Variants in SORBS2 observed in about 807,000 individuals in gnomAD.
The protein encoded by SORBS2 is sorbin and SH3 domain-containing protein 2.
SORBS2 carries 46 observed loss-of-function variants against 97.7 expected under a neutral mutation model. The observed-to-expected ratio is 0.47, with a 90% CI of 0.37 to 0.60. The LOEUF is 0.60. SORBS2 is among the 20% of genes least tolerant of loss of function. The pLI is 0.00. For synonymous variants in SORBS2, 476 were observed against 473.4 expected (o/e 1.01, Z -0.07); for missense variants, 1,316 against 1,282.3 (o/e 1.03, Z -0.40).
chr4:185,603,300 C>A (rs925019222), intron 12 of SORBS2, among the ~76,000 whole-genome samples: 1 of 151,670 alleles, frequency 6.6e-6, no homozygotes, highest in Non-Finnish European at 1.5e-5. Flanking sequence ...AAACCACAGA[C>A]AGAAGAGAAA....
chr4:185,767,854 C>A (rs2098945705), intron 2 of SORBS2, among the ~76,000 whole-genome samples: 2 of 152,200 alleles, frequency 1.3e-5, no homozygotes, highest in African/African-American at 4.8e-5. Flanking sequence ...GATGGTGAGA[C>A]TTTTGTTCTC....
chr4:185,939,466 T>C lies in SORBS2; in HGVS notation c.-338+16730A>G, dbSNP rs149944126. On this transcript the variant is annotated intron_variant, in intron 1 of 20. Transcript: ENST00000284776. ...CTGCTGCTCTATTTCTCCCTTCTCCTTCCCAGGAACAGTTCTCCAAAGAGG... is the reference window on the plus strand; with the variant it reads ...CTGCTGCTCTATTTCTCCCTTCTCCCTCCCAGGAACAGTTCTCCAAAGAGG... 5.5e-3 allele frequency among the ~76,000 whole-genome samples: 836 copies of C among 152,282 alleles called. 3 individuals are homozygous for C. Among genetic ancestry groups the C allele is most frequent in the Middle Eastern group, 0.027 (8 of 294 alleles).
chr4:185,616,318 T>G (rs13120638), intron 9 of SORBS2, among the ~76,000 whole-genome samples: 12,194 of 152,256 alleles, frequency 0.08, 543 homozygotes, highest in African/African-American at 0.11. Context: ...TGATCACACA[T>G]TTAGAAGTGC....
intron 12 of SORBS2, among the ~76,000 whole-genome samples, chr4:185,611,457 A>G (rs1033438591): frequency 1.3e-5 from 2 of 151,994 alleles, no homozygotes; most frequent in Admixed American, 6.6e-5. Flanking sequence ...GGAAAAAATT[A>G]TTTCAGAAAA....
intron 2 of SORBS2, among the ~76,000 whole-genome samples, chr4:185,682,614 C>A (rs1218749229): frequency 1.3e-5 from 2 of 152,136 alleles, no homozygotes; most frequent in Non-Finnish European, 2.9e-5. Context: ...CCTTTTGATT[C>A]ACATATAGAC....
intron 12 of SORBS2, among the ~76,000 whole-genome samples, chr4:185,597,733 C>T (rs2096144324): frequency 6.6e-6 from 1 of 152,112 alleles, no homozygotes; most frequent in South Asian, 2.1e-4. Context: ...ACTCAAATGG[C>T]AAGTCGCTTA....
chr4:185,638,273 A>C, intron 4 of SORBS2, 111 bp from the exon 15 acceptor site: 1 of 728,652 alleles, frequency 1.4e-6, no homozygotes, highest in Non-Finnish European at 2.5e-6. Context: ...ACATGCATCA[A>C]CTCTCACCCC....
intron 1 of SORBS2, among the ~76,000 whole-genome samples, chr4:185,812,586 C>G (rs1272353056): frequency 6.6e-6 from 1 of 152,158 alleles, no homozygotes; most frequent in Non-Finnish European, 1.5e-5. Flanking sequence ...AAAACAAGCC[C>G]CACCTTCCAG....
intron 2 of SORBS2, among the ~76,000 whole-genome samples, chr4:185,717,150 G>A (rs1043151351): frequency 1.3e-5 from 2 of 152,332 alleles, no homozygotes; most frequent in African/African-American, 4.8e-5. Context: ...GAGCGCCGCT[G>A]TCTTCAAACC....
intron 1 of SORBS2, among the ~76,000 whole-genome samples, chr4:185,802,509 A>C (rs1475020648): frequency 3.3e-5 from 5 of 152,190 alleles, no homozygotes; most frequent in African/African-American, 7.2e-5. Context: ...GTTCCCTATC[A>C]AGGCCATCTT....
intron 1 of SORBS2, among the ~76,000 whole-genome samples, chr4:185,866,505 C>G (rs28580667): frequency 6.6e-6 from 1 of 152,156 alleles, no homozygotes; most frequent in Non-Finnish European, 1.5e-5. Flanking sequence ...CATTCAAGAG[C>G]GTCATGTTTC....
chr4:185,806,015 G>A (rs2099151898), intron 1 of SORBS2, among the ~76,000 whole-genome samples: 1 of 152,178 alleles, frequency 6.6e-6, no homozygotes, highest in Non-Finnish European at 1.5e-5. Flanking sequence ...AACTTTTGTT[G>A]TTTAGTAGCA....
At chr4:185,746,046 A>G (rs2098757757) in intron 2 of SORBS2, among the ~76,000 whole-genome samples, 1 of 152,240 alleles carries the variant, frequency 6.6e-6, no homozygotes, top group Admixed American at 6.5e-5. Flanking sequence ...TAACAAAGTG[A>G]CAGAAGCATA....
exon 3 of SORBS2, chr4:185,649,486 C>T: frequency 6.3e-7 from 1 of 1,586,720 alleles, no homozygotes; most frequent in South Asian, 1.1e-5. Flanking sequence ...GAAGACCGAT[C>T]TCTTGGTCGA....
chr4:185,687,265 C>T (rs577526817), intron 2 of SORBS2, among the ~76,000 whole-genome samples: 2 of 152,196 alleles, frequency 1.3e-5, no homozygotes, highest in South Asian at 2.1e-4. Flanking sequence ...TGGGGTCAAG[C>T]GATCCTCCTG....
At position 185,873,830 on chromosome 4, in the gene SORBS2, A is replaced by C. The variant is rs1348991416; in HGVS notation, c.-338+82366T>G. Reference sequence around the variant, plus strand: ...AAGAGGACTATTGTATGCAGACATAAAAATATAACATGAACATTTATATTA... The same window carrying C: ...AAGAGGACTATTGTATGCAGACATACAAATATAACATGAACATTTATATTA... On this transcript the variant is annotated intron_variant, in intron 1 of 20. Coordinates refer to the SORBS2 transcript ENST00000284776. Among the ~76,000 whole-genome samples, 9 of 152,306 alleles carry C rather than the reference A, an allele frequency of 5.9e-5. No individual in the cohort carries two copies. In the East Asian group the frequency reaches 1.2e-3, roughly 20 times the overall value.
chr4:185,836,515 A>G (rs1474836786), intron 1 of SORBS2, among the ~76,000 whole-genome samples: 1 of 152,244 alleles, frequency 6.6e-6, no homozygotes, highest in African/African-American at 2.4e-5. Context: ...AAGTGATTAT[A>G]ATGTACACAC....
chr4:185,804,237 T>TACCTTGCTTTCAGCAGGTC (rs1438858078), intron 1 of SORBS2, among the ~76,000 whole-genome samples: 2 of 152,250 alleles, frequency 1.3e-5, no homozygotes, highest in African/African-American at 2.4e-5. Flanking sequence ...ACACGCAGGT[T>TACCTTGCTTTCAGCAGGTC]ACCTTGCTTT....
intron 1 of SORBS2, among the ~76,000 whole-genome samples, chr4:185,835,651 GAT>G (rs1491423279): frequency 1.6e-5 from 2 of 123,710 alleles, no homozygotes; most frequent in African/African-American, 3.1e-5. Context: ...ATTTTGAAAG[GAT>G]TTTTTTTTTT....
Sources: gnomAD v4.1 joint callset for allele counts (sites outside exome capture counted in the v4.1 genomes callset) on GRCh38, gnomAD v4.1.1 for gene constraint, MANE v1.5 for transcripts, NCBI Gene and HGNC (gene_info 2026-07-23, HGNC 2026-07-21) for gene names.